DAPP1: variants seen among roughly 807,000 people sequenced by gnomAD.
DAPP1 encodes the protein dual adapter for phosphotyrosine and 3-phosphotyrosine and 3-phosphoinositide.
DAPP1 carries 20 observed loss-of-function variants against 41.5 expected under a neutral mutation model. That is an observed-to-expected ratio of 0.48 (90% CI 0.34 to 0.70). DAPP1 has a LOEUF of 0.70. DAPP1 is among the 30% of genes least tolerant of loss of function. The probability of loss-of-function intolerance (pLI) is 0.01; values close to 1 mark genes in which losing one functional copy is unlikely to be tolerated. For synonymous variants in DAPP1, 113 were observed against 116.2 expected (o/e 0.97, Z 0.18); for missense variants, 233 against 333.4 (o/e 0.70, Z 2.35).
chr4:99,848,464 T>C (rs1023561710), intron 3 of DAPP1, among the ~76,000 whole-genome samples: 61 of 151,550 alleles, frequency 4.0e-4, no homozygotes, highest in African/African-American at 1.5e-3. Context: ...CTCCTGACCT[T>C]GTGATCCGTA....
At chr4:99,860,515 A>G (rs78669791) in intron 4 of DAPP1, among the ~76,000 whole-genome samples, 1,645 of 152,350 alleles carry the variant, frequency 0.011, 38 homozygotes, top group African/African-American at 0.037. Flanking sequence ...AATATTGATT[A>G]ATATTATTTA....
At chr4:99,872,195 C>T (rs1280224643), downstream of DAPP1, among the ~76,000 whole-genome samples, 1 of 152,196 alleles carries the variant, frequency 6.6e-6, no homozygotes, top group Admixed American at 6.6e-5. Context: ...CCAGCAGGTC[C>T]CTGATCCCAT....
chr4:99,860,880 T>C (rs890486), intron 4 of DAPP1, among the ~76,000 whole-genome samples: 42,346 of 152,164 alleles, frequency 0.28, 6,508 homozygotes, highest in African/African-American at 0.41. Context: ...TTCACACAAT[T>C]CTCCACCCTT....
chr4:99,849,513 G>A lies in DAPP1; in HGVS notation c.359-3705G>A, dbSNP rs570500505. Among the ~76,000 whole-genome samples the A allele has an allele frequency of 6.6e-5, 10 of 152,284 alleles. No individual in the cohort carries two copies. In the South Asian group the frequency reaches 2.1e-3, roughly 32 times the overall value. The stretch of plus-strand genomic sequence containing the variant: ...GGTTGGAAATGCACACGTTGGAAAG[G>A]CAGTGGCTGTCTAATACCAAGAGGT... On this transcript the variant is annotated intron_variant, in intron 3 of 8. Coordinates refer to ENST00000512369, the MANE Select transcript of DAPP1 (RefSeq NM_014395.3).
rs1274814764 is a variant in DAPP1 at position 99,869,001 on chromosome 4, A to C, written c.*816A>C. The C allele has an allele frequency of 2.5e-4, 38 of 152,344 alleles. No individual in the cohort carries two copies. Among genetic ancestry groups the C allele is most frequent in the Non-Finnish European group, 4.4e-4 (30 of 68,032 alleles). The allele number at this position is 152,344 out of a possible 1,614,324, so 9.4% of individuals were successfully genotyped here. A position where few individuals can be genotyped will look rare whatever the true frequency, so the allele number is the denominator to read the frequency against. On this transcript the variant is annotated 3_prime_UTR_variant, in exon 9 of 9. Transcript: ENST00000512369. Reference sequence around the variant, plus strand: ...AATAATTATTGTTATTATACTACTAATAATAGAGCACTTGTAAGCACTAAG... The same window carrying C: ...AATAATTATTGTTATTATACTACTACTAATAGAGCACTTGTAAGCACTAAG...
chr4:99,865,976 A>AGC, intron 7 of DAPP1, 58 bp from the exon 8 acceptor site: 1 of 164,332 alleles, frequency 6.1e-6, no homozygotes, highest in Non-Finnish European at 1.2e-5. Flanking sequence ...TTATATATAT[A>AGC]TATATATATA....
At chr4:99,832,267 T>C (rs556590096) in intron 1 of DAPP1, among the ~76,000 whole-genome samples, 1 of 152,374 alleles carries the variant, frequency 6.6e-6, no homozygotes, top group East Asian at 1.9e-4. Flanking sequence ...AACTTAACTC[T>C]ATTTTTAACT....
intron 2 of DAPP1, among the ~76,000 whole-genome samples, chr4:99,840,001 G>A (rs1723441388): frequency 1.3e-5 from 2 of 152,326 alleles, no homozygotes; most frequent in East Asian, 1.9e-4. Flanking sequence ...GGCGGAGGTT[G>A]CAGTGAGCCT....
rs1209822068 is a variant in DAPP1 at position 99,868,461 on chromosome 4, CA to C, written c.*278del. The C allele has an allele frequency of 1.0e-5, 4 of 393,262 alleles. No individual in the cohort carries two copies. The highest frequency in any genetic ancestry group is 1.9e-5 in the Non-Finnish European group (4 of 213,882). 24.4% of individuals were successfully genotyped at this position (393,262 alleles called of 1,614,324 possible). A position where few individuals can be genotyped will look rare whatever the true frequency, so the allele number is the denominator to read the frequency against. Reference sequence around the variant, plus strand: ...TAGGTCTGCTCACTCTTAGAACACACAATGGAAGAGGAAGGGTTTTTGTTTT... The same window carrying C: ...TAGGTCTGCTCACTCTTAGAACACACATGGAAGAGGAAGGGTTTTTGTTTT... On this transcript the variant is annotated 3_prime_UTR_variant, in exon 9 of 9. Transcript: ENST00000512369.
At chr4:99,833,572 C>T (rs541379893) in intron 1 of DAPP1, among the ~76,000 whole-genome samples, 2 of 152,248 alleles carry the variant, frequency 1.3e-5, no homozygotes, top group Admixed American at 6.5e-5. Context: ...TCCCTTAATG[C>T]CAGAATAGGG....
chr4:99,816,883 G>C lies in DAPP1; in HGVS notation c.-31G>C, dbSNP rs1722602807. 1 of 1,568,570 alleles carries C rather than the reference G, an allele frequency of 6.4e-7. No homozygotes were observed. The highest frequency in any genetic ancestry group is 8.7e-7 in the Non-Finnish European group (1 of 1,153,118). ...AAGGTGTCAGGAGCAGCCCAGTTGT[G>C]TCTCTCTCTCTACCTCTGTGAAGGG... On this transcript the variant is annotated 5_prime_UTR_variant, in exon 1 of 9. Coordinates refer to ENST00000512369, the MANE Select transcript of DAPP1 (RefSeq NM_014395.3).
At chr4:99,848,460 A>T (rs550129875) in intron 3 of DAPP1, among the ~76,000 whole-genome samples, 4 of 148,202 alleles carry the variant, frequency 2.7e-5, no homozygotes, top group African/African-American at 9.9e-5. Flanking sequence ...CCATCTCCTG[A>T]CCTTGTGATC....
In DAPP1 at chr4:99,817,132, C is replaced by A; in HGVS notation, c.101+118C>A. On this transcript the variant is annotated intron_variant, in intron 1 of 8. Transcript: ENST00000512369. Reference sequence around the variant, plus strand: ...GCCTTGTTGCCCTCTGCCACCTCAACCATTTATTTTTTTCCACTTTATTCA... The same window carrying A: ...GCCTTGTTGCCCTCTGCCACCTCAAACATTTATTTTTTTCCACTTTATTCA... The A allele has an allele frequency of 4.6e-6, 3 of 650,058 alleles. No homozygotes were observed. The South Asian group carries it at 7.1e-5, about 15-fold the overall frequency. The allele number at this position is 650,058 out of a possible 1,614,324, so 40.3% of individuals were successfully genotyped here. A position where few individuals can be genotyped will look rare whatever the true frequency, so the allele number is the denominator to read the frequency against.
At chr4:99,834,720 C>T (rs1446580402) in intron 1 of DAPP1, among the ~76,000 whole-genome samples, 8 of 152,192 alleles carry the variant, frequency 5.3e-5, no homozygotes, top group Admixed American at 2.0e-4. Context: ...CAAAGCAACA[C>T]TGTATTAGTT....
rs142217526 is a variant in DAPP1, at chr4:99,851,072, C to T, written c.359-2146C>T. 4.8e-3 allele frequency among the ~76,000 whole-genome samples: 730 copies of T among 152,228 alleles called. 3 individuals are homozygous for T. Among genetic ancestry groups the T allele is most frequent in the Middle Eastern group, 0.017 (5 of 294 alleles). ...TGGGAGTGTTTCTTAGGGTTGGGAG[C>T]CAGCGCTGAATTTACCATGCATCTA... On this transcript the variant is annotated intron_variant, in intron 3 of 8. Coordinates refer to ENST00000512369, the MANE Select transcript of DAPP1 (RefSeq NM_014395.3).
At chr4:99,859,996 C>G (rs1216216545) in intron 4 of DAPP1, among the ~76,000 whole-genome samples, 1 of 152,242 alleles carries the variant, frequency 6.6e-6, no homozygotes, top group African/African-American at 2.4e-5. Context: ...ACTGTGTTGG[C>G]TACTGACTTC....
At chr4:99,841,178 C>G (rs971898394) in intron 3 of DAPP1, among the ~76,000 whole-genome samples, 1 of 152,190 alleles carries the variant, frequency 6.6e-6, no homozygotes, top group Non-Finnish European at 1.5e-5. Flanking sequence ...ACAAGAGGAA[C>G]TCAAGACTTA....
At chr4:99,822,071 G>C (rs900096173) in intron 1 of DAPP1, among the ~76,000 whole-genome samples, 1 of 152,160 alleles carries the variant, frequency 6.6e-6, no homozygotes, top group African/African-American at 2.4e-5. Flanking sequence ...ACGGAAGGTG[G>C]TTCTTCTGTG....
In DAPP1 at chr4:99,855,358, C is replaced by T. The variant is rs568712711; in HGVS notation, c.489+2010C>T. Among the ~76,000 whole-genome samples, 5 of 152,290 alleles carry T rather than the reference C, an allele frequency of 3.3e-5. No homozygotes were observed. The South Asian group carries it at 8.3e-4, about 25-fold the overall frequency. Reference sequence around the variant, plus strand: ...ATGTCCTATTAAGCGTGTTCTTTATCGGCAATAAAATGCAGATAATACCTA... The same window carrying T: ...ATGTCCTATTAAGCGTGTTCTTTATTGGCAATAAAATGCAGATAATACCTA... On this transcript the variant is annotated intron_variant, in intron 4 of 8. Transcript: ENST00000512369.
Sources: gnomAD v4.1 joint callset for allele counts (sites outside exome capture counted in the v4.1 genomes callset) on GRCh38, gnomAD v4.1.1 for gene constraint, MANE v1.5 for transcripts, NCBI Gene and HGNC (gene_info 2026-07-23, HGNC 2026-07-21) for gene names.